Variants in SRD5A2 observed in about 807,000 individuals in gnomAD.
SRD5A2 encodes 3-oxo-5-alpha-steroid 4-dehydrogenase 2.
A neutral mutation model predicts 27.4 loss-of-function variants in SRD5A2; 30 were observed. That is an observed-to-expected ratio of 1.10 (90% CI 0.82 to 1.49). The LOEUF is 1.49. Ranked by LOEUF, SRD5A2 falls within the 40% of genes most tolerant of loss-of-function variation. SRD5A2 has a pLI of 0.00. For synonymous variants in SRD5A2, 141 were observed against 133.6 expected (o/e 1.06, Z -0.38); for missense variants, 348 against 323.4 (o/e 1.08, Z -0.58).
chr2:31,614,100 C>T, the SRD5A2 span, among the ~76,000 whole-genome samples: 2 of 152,160 alleles, frequency 1.3e-5, no homozygotes, highest in African/African-American at 4.8e-5. Context: ...CCAACAGTTC[C>T]TCAAAGTAAT....
the SRD5A2 span, among the ~76,000 whole-genome samples, chr2:31,619,107 TTTAGAA>T: frequency 6.6e-6 from 1 of 152,078 alleles, no homozygotes; most frequent in African/African-American, 2.4e-5. Flanking sequence ...CGAAATCACA[TTTAGAA>T]ACCACTTAAC....
At chr2:31,567,963 G>T (rs1354347408) in intron 1 of SRD5A2, among the ~76,000 whole-genome samples, 1 of 152,082 alleles carries the variant, frequency 6.6e-6, no homozygotes. Flanking sequence ...GTGAGCGCAG[G>T]GTCCAGCCAC....
rs551002963 is a variant in SRD5A2 at position 31,529,696 on chromosome 2, G to A, written c.548-239C>T. ...AAGAGTGGCCTCAACTGCTTAACGG[G>A]CTCTATCCAAATCTCTAACAACTGC... is the stretch of plus-strand genomic sequence containing the variant. On this transcript the variant is annotated intron_variant, in intron 3 of 4. Transcript: ENST00000622030. 1.4e-4 allele frequency among the ~76,000 whole-genome samples: 22 copies of A among 152,244 alleles called. No individual in the cohort carries two copies. The South Asian group carries it at 4.6e-3, about 32-fold the overall frequency.
At chr2:31,585,411 A>G (rs1343798423), upstream of SRD5A2, among the ~76,000 whole-genome samples, 2 of 152,076 alleles carry the variant, frequency 1.3e-5, no homozygotes, top group Admixed American at 1.3e-4. Flanking sequence ...CTGCTTGAGA[A>G]GAGGAGAGGA....
chr2:31,607,970 G>A, the SRD5A2 span, among the ~76,000 whole-genome samples: 5 of 152,000 alleles, frequency 3.3e-5, no homozygotes, highest in Admixed American at 3.3e-4. Flanking sequence ...ACGGTACAAT[G>A]AGAAGACAGC....
the SRD5A2 span, among the ~76,000 whole-genome samples, chr2:31,595,748 C>T: frequency 6.6e-6 from 1 of 151,978 alleles, no homozygotes; most frequent in Non-Finnish European, 1.5e-5. Context: ...AAGGACATAA[C>T]AAATAAAGAA....
rs573725602 is a variant in SRD5A2, at chr2:31,540,222, C to T, written c.282-6456G>A. Among the ~76,000 whole-genome samples, 4 of 151,446 alleles carry T rather than the reference C, an allele frequency of 2.6e-5. No homozygotes were observed. In the South Asian group the frequency reaches 8.4e-4, roughly 32 times the overall value. On this transcript the variant is annotated intron_variant, in intron 1 of 4. Coordinates refer to ENST00000622030, the MANE Select transcript of SRD5A2 (RefSeq NM_000348.4). ...TCTAAGGATAAATCAAAATGAAATTCTAAAAAATATTCATATAATCACCAG... is the reference window on the plus strand; with the variant it reads ...TCTAAGGATAAATCAAAATGAAATTTTAAAAAATATTCATATAATCACCAG...
rs28383066 is a variant in SRD5A2, at chr2:31,529,274, C to T, written c.698+33G>A. 2.9e-4 allele frequency: 468 copies of T among 1,612,708 alleles called. 3 individuals carry two copies. In the African/African-American group the frequency reaches 5.4e-3, roughly 19 times the overall value. On this transcript the variant is annotated intron_variant, in intron 4 of 4. Coordinates refer to ENST00000622030, the MANE Select transcript of SRD5A2 (RefSeq NM_000348.4). The stretch of plus-strand genomic sequence containing the variant: ...GCCTGTTTGGAGAAGAAGAAAGCTA[C>T]GTGAATGCTGCCGCTTTTATTGAAA...
intron 2 of SRD5A2, 77 bp downstream of exon 2, chr2:31,533,526 G>A: frequency 7.3e-7 from 1 of 1,361,428 alleles, no homozygotes; most frequent in African/African-American, 1.4e-5. Context: ...ATTGCAGTAG[G>A]GAGAGGCCAT....
At chr2:31,634,987 T>A in the SRD5A2 span, among the ~76,000 whole-genome samples, 1 of 152,192 alleles carries the variant, frequency 6.6e-6, no homozygotes, top group Non-Finnish European at 1.5e-5. Flanking sequence ...AGTGCTTCAA[T>A]AAAGATGGGA....
At chr2:31,654,202 G>T in the SRD5A2 span, among the ~76,000 whole-genome samples, 1 of 152,092 alleles carries the variant, frequency 6.6e-6, no homozygotes, top group Non-Finnish European at 1.5e-5. Context: ...GCAAAAATGG[G>T]GTCAGAAATT....
At chr2:31,597,460 G>A in the SRD5A2 span, among the ~76,000 whole-genome samples, 1 of 151,588 alleles carries the variant, frequency 6.6e-6, no homozygotes, top group South Asian at 2.1e-4. Flanking sequence ...TAAATATATG[G>A]GACTTAAACT....
chr2:31,648,086 T>A, the SRD5A2 span, among the ~76,000 whole-genome samples: 1 of 152,092 alleles, frequency 6.6e-6, no homozygotes, highest in African/African-American at 2.4e-5. Flanking sequence ...ATAAGTTACA[T>A]CCCCCTCAGC....
the SRD5A2 span, among the ~76,000 whole-genome samples, chr2:31,656,096 GGA>G: frequency 6.6e-6 from 1 of 152,194 alleles, no homozygotes; most frequent in Non-Finnish European, 1.5e-5. Context: ...TCATCTTGAA[GGA>G]GAGGGAATCA....
chr2:31,645,404 T>G, the SRD5A2 span, among the ~76,000 whole-genome samples: 5 of 152,178 alleles, frequency 3.3e-5, no homozygotes, highest in African/African-American at 1.2e-4. Context: ...ACATCTTCTG[T>G]ATCCCATAAA....
At chr2:31,611,098 G>A in the SRD5A2 span, among the ~76,000 whole-genome samples, 1 of 152,002 alleles carries the variant, frequency 6.6e-6, no homozygotes, top group Non-Finnish European at 1.5e-5. Context: ...GACAGAGCAA[G>A]ACTCCATCTA....
At chr2:31,630,147 C>A in the SRD5A2 span, among the ~76,000 whole-genome samples, 3 of 152,228 alleles carry the variant, frequency 2.0e-5, no homozygotes, top group Non-Finnish European at 2.9e-5. Context: ...TTCTACCCAG[C>A]TTACCCCTCT....
At position 31,525,581 on chromosome 2, in the gene SRD5A2, G is replaced by A. The variant is rs1572626564; in HGVS notation, c.*615C>T. 4.4e-6 allele frequency: 1 copy of A among 226,172 alleles called. No individual in the cohort carries two copies. The highest frequency in any genetic ancestry group is 1.8e-4 in the South Asian group (1 of 5,458). 14.0% of individuals were successfully genotyped at this position (226,172 alleles called of 1,614,324 possible). On this transcript the variant is annotated 3_prime_UTR_variant, in exon 5 of 5. Coordinates refer to ENST00000622030, the MANE Select transcript of SRD5A2 (RefSeq NM_000348.4). ...ATCAACTAAGACACTGCACAAATTTGAAATGAGGTCAATGCATCAGTATCT... is the reference window on the plus strand; with the variant it reads ...ATCAACTAAGACACTGCACAAATTTAAAATGAGGTCAATGCATCAGTATCT...
chr2:31,532,269 C>T (rs1301110332), intron 2 of SRD5A2, among the ~76,000 whole-genome samples: 2 of 151,918 alleles, frequency 1.3e-5, no homozygotes, highest in African/African-American at 2.4e-5. Context: ...GTTTTCTGAA[C>T]GCATTCCTGA....
Sources: allele counts gnomAD v4.1 joint callset (sites outside exome capture counted in the v4.1 genomes callset), GRCh38; gene constraint gnomAD v4.1.1; transcripts MANE v1.5; gene names NCBI Gene and HGNC (gene_info 2026-07-23, HGNC 2026-07-21).